PPP2R2B: variants seen among roughly 807,000 people sequenced by gnomAD.
PPP2R2B encodes protein phosphatase 2 regulatory subunit Bbeta.
PPP2R2B carries 5 observed loss-of-function variants against 46.0 expected under a neutral mutation model. The ratio of observed to expected loss-of-function variants is 0.11; its 90% CI spans 0.06 to 0.23. The LOEUF (loss-of-function observed/expected upper bound fraction) is 0.23. Among genes scored for constraint, PPP2R2B ranks in the 10% least tolerant of loss-of-function variants. PPP2R2B has a pLI of 1.00. For missense variants in PPP2R2B, 367 were observed against 575.0 expected (o/e 0.64, Z 3.70); for synonymous variants, 215 against 206.7 (o/e 1.04, Z -0.34).
chr5:146,682,087 G>A (rs1384201036), intron 5 of PPP2R2B, among the ~76,000 whole-genome samples: 1 of 152,168 alleles, frequency 6.6e-6, no homozygotes, highest in African/African-American at 2.4e-5. Flanking sequence ...CCTAAACCAG[G>A]TATAGGGTTC....
At chr5:147,064,282 A>G (rs1226902554) in intron 2 of PPP2R2B, among the ~76,000 whole-genome samples, 1 of 152,082 alleles carries the variant, frequency 6.6e-6, no homozygotes, top group Non-Finnish European at 1.5e-5. Flanking sequence ...CCCTATTGAT[A>G]TTTTGGACAA....
chr5:146,802,653 C>A (rs1211569806), intron 2 of PPP2R2B, among the ~76,000 whole-genome samples: 3 of 152,158 alleles, frequency 2.0e-5, no homozygotes, highest in Admixed American at 6.5e-5. Context: ...GTTATTTAGC[C>A]AGATAAGACA....
intron 6 of PPP2R2B, among the ~76,000 whole-genome samples, chr5:146,648,375 A>G (rs1775722234): frequency 6.6e-6 from 1 of 152,180 alleles, no homozygotes; most frequent in African/African-American, 2.4e-5. Flanking sequence ...TGTTTGAGCC[A>G]TTATGGGGTC....
intron 2 of PPP2R2B, among the ~76,000 whole-genome samples, chr5:146,828,309 T>C (rs1197863566): frequency 1.3e-5 from 2 of 152,030 alleles, no homozygotes; most frequent in African/African-American, 4.8e-5. Context: ...AGTTCTTAGA[T>C]TAATACTCAG....
chr5:146,626,695 C>A (rs1377672631), intron 7 of PPP2R2B, among the ~76,000 whole-genome samples: 1 of 152,088 alleles, frequency 6.6e-6, no homozygotes, highest in Non-Finnish European at 1.5e-5. Context: ...AAGGCCAGAG[C>A]CATCTATAAC....
At chr5:146,700,961 G>T in intron 3 of PPP2R2B, 84 bp downstream of exon 3, 1 of 1,243,506 alleles carries the variant, frequency 8.0e-7, no homozygotes, top group Non-Finnish European at 1.2e-6. Context: ...CAAGGTTAAG[G>T]GCGACACATA....
At chr5:146,763,441 G>T (rs1228979444) in intron 2 of PPP2R2B, among the ~76,000 whole-genome samples, 1 of 152,168 alleles carries the variant, frequency 6.6e-6, no homozygotes, top group Non-Finnish European at 1.5e-5. Context: ...TTACCCAAGA[G>T]TGGTATGACT....
intron 7 of PPP2R2B, among the ~76,000 whole-genome samples, chr5:146,628,094 G>A (rs557304006): frequency 1.1e-4 from 16 of 152,106 alleles, no homozygotes; most frequent in Middle Eastern, 3.4e-3. Flanking sequence ...ACAGGTGTGC[G>A]CTACCATGCC....
rs569994752 is a variant in PPP2R2B at position 146,652,302 on chromosome 5, G to A, written c.448-1578C>T. On this transcript the variant is annotated intron_variant, in intron 5 of 9. Transcript: ENST00000394411. ...CTCACTATCGCAAAGGGTGGTTTGG[G>A]GTTTTGTTGAGATGATCTGACCTCC... 6.6e-5 allele frequency among the ~76,000 whole-genome samples: 10 copies of A among 152,130 alleles called. No homozygotes were observed. In the South Asian group the frequency reaches 1.2e-3, roughly 19 times the overall value.
At chr5:146,907,552 A>G (rs1004159370) in intron 1 of PPP2R2B, among the ~76,000 whole-genome samples, 3 of 152,260 alleles carry the variant, frequency 2.0e-5, no homozygotes, top group African/African-American at 7.2e-5. Context: ...AGAAAGGGCT[A>G]AGGGCAGGTG....
At chr5:146,961,839 G>A (rs1327452023) in intron 1 of PPP2R2B, among the ~76,000 whole-genome samples, 2 of 151,866 alleles carry the variant, frequency 1.3e-5, no homozygotes, top group South Asian at 2.1e-4. Flanking sequence ...GGATCATAAA[G>A]CAAAAGGGAT....
chr5:146,981,365 C>T (rs1645093693), intron 1 of PPP2R2B, among the ~76,000 whole-genome samples: 1 of 151,986 alleles, frequency 6.6e-6, no homozygotes, highest in Non-Finnish European at 1.5e-5. Context: ...TGGGTCAAGT[C>T]CTATATAATG....
At chr5:146,623,551 T>TC (rs781018499) in intron 7 of PPP2R2B, among the ~76,000 whole-genome samples, 1 of 152,250 alleles carries the variant, frequency 6.6e-6, no homozygotes, top group Non-Finnish European at 1.5e-5. Flanking sequence ...ATGATTCTAT[T>TC]TTTCTCATAT....
chr5:146,831,605 T>C (rs1482664498), intron 2 of PPP2R2B, among the ~76,000 whole-genome samples: 3 of 145,360 alleles, frequency 2.1e-5, no homozygotes, highest in Non-Finnish European at 4.5e-5. Flanking sequence ...CACATGTACC[T>C]CGGAACTTAA....
At chr5:146,636,222 A>G (rs1428355534) in intron 7 of PPP2R2B, among the ~76,000 whole-genome samples, 1 of 152,114 alleles carries the variant, frequency 6.6e-6, no homozygotes, top group East Asian at 1.9e-4. Context: ...TGCTTCTCCA[A>G]CCGGGGTACC....
Position 146,588,226 on chromosome 5 carries a change from A to G in PPP2R2B, c.*1721T>C, listed in dbSNP as rs1770267859. ...GTTCCCATGCTCCCTCAATTCTGAG[A>G]CGTACTTTTTTACATTTTAATGTTC... On this transcript the variant is annotated 3_prime_UTR_variant, in exon 10 of 10. Transcript: ENST00000394411. The G allele has an allele frequency of 6.6e-6, 1 of 152,210 alleles. No homozygotes were observed. The highest frequency in any genetic ancestry group is 2.4e-5 in the African/African-American group (1 of 41,452). 9.4% of individuals were successfully genotyped at this position (152,210 alleles called of 1,614,324 possible). A position where few individuals can be genotyped will look rare whatever the true frequency, so the allele number is the denominator to read the frequency against.
At chr5:146,781,874 T>G (rs1346162587) in intron 2 of PPP2R2B, among the ~76,000 whole-genome samples, 1 of 152,216 alleles carries the variant, frequency 6.6e-6, no homozygotes, top group Non-Finnish European at 1.5e-5. Flanking sequence ...ATGATTGGGA[T>G]CTGTGTCACC....
intron 2 of PPP2R2B, among the ~76,000 whole-genome samples, chr5:146,702,483 G>C (rs746402326): frequency 7.9e-5 from 12 of 152,296 alleles, no homozygotes; most frequent in African/African-American, 2.4e-5. Context: ...GGGCCACAAA[G>C]TAACATAGGT....
In PPP2R2B at chr5:146,878,400, C is replaced by G. The variant is rs576228929; in HGVS notation, c.-125+191G>C. 2.8e-6 allele frequency: 4 copies of G among 1,413,280 alleles called. No individual in the cohort carries two copies. Among genetic ancestry groups the G allele is most frequent in the Non-Finnish European group, 3.7e-6 (4 of 1,085,074 alleles). The allele number at this position is 1,413,280 out of a possible 1,614,324, so 87.5% of individuals were successfully genotyped here. Reference sequence around the variant, plus strand: ...CGCCGTGCCCCGAGGGGTCTGGTCCCGCCCGCCCGCCCCGGAGGCGCTCAC... The same window carrying G: ...CGCCGTGCCCCGAGGGGTCTGGTCCGGCCCGCCCGCCCCGGAGGCGCTCAC... On this transcript the variant is annotated intron_variant, in intron 1 of 9. Coordinates refer to ENST00000394411, the MANE Select transcript of PPP2R2B (RefSeq NM_181675.4). The surrounding 1 kb of genome is among the most constrained non-coding windows in gnomAD (Gnocchi z 4.5).
Sources: allele counts gnomAD v4.1 joint callset (sites outside exome capture counted in the v4.1 genomes callset), GRCh38; gene constraint gnomAD v4.1.1; non-coding constraint Gnocchi (gnomAD v3.1); transcripts MANE v1.5; gene names NCBI Gene and HGNC (gene_info 2026-07-23, HGNC 2026-07-21).